Variants in SLC4A9 observed in about 807,000 individuals in gnomAD.
SLC4A9 encodes anion exchange protein 4.
SLC4A9 carries 102 observed loss-of-function variants against 103.2 expected under a neutral mutation model. The ratio of observed to expected loss-of-function variants is 0.99; its 90% confidence interval spans 0.84 to 1.17. SLC4A9 has a LOEUF of 1.17. SLC4A9 is among the 50% of genes most tolerant of loss of function. The probability of loss-of-function intolerance (pLI) is 0.00; values close to 1 mark genes in which losing one functional copy is unlikely to be tolerated. For missense variants in SLC4A9, 1,091 were observed against 1,193.7 expected, an observed-to-expected ratio of 0.91 and a Z score of 1.27; for synonymous variants, 453 against 483.6, an observed-to-expected ratio of 0.94 and a Z score of 0.83.
In SLC4A9 at chr5:140,364,685, C is replaced by T. The variant is rs576547133; in HGVS notation, c.1651+60C>T. The T allele has an allele frequency of 3.6e-5, 56 of 1,549,784 alleles. No individual in the cohort carries two copies. The East Asian group carries it at 1.3e-3, about 35-fold the overall frequency. On this transcript the variant is annotated intron_variant, in intron 11 of 21. Transcript: ENST00000506757. ...AGAAGGATGTAGGGAAGGGGAGGGGCTGCACCCTTACTATCCCCCCTGGTT... is the reference window on the plus strand; with the variant it reads ...AGAAGGATGTAGGGAAGGGGAGGGGTTGCACCCTTACTATCCCCCCTGGTT...
At chr5:140,366,366 T>G in intron 14 of SLC4A9, 102 bp downstream of exon 14, 1 of 785,900 alleles carries the variant, frequency 1.3e-6, no homozygotes, top group Non-Finnish European at 2.0e-6. Flanking sequence ...TAAGCTTCTT[T>G]CTTCACTAAT....
Position 140,361,307 on chromosome 5 carries a change from G to C in SLC4A9, c.445G>C (p.Ala149Pro), listed in dbSNP as rs1382805769. 1 of 1,571,342 alleles carries C rather than the reference G, an allele frequency of 6.4e-7. No homozygotes were observed. The highest frequency in any genetic ancestry group is 2.4e-5 in the East Asian group (1 of 42,336). Reference protein sequence around the residue: ...LSPELRGQLQALLLQRPQHYN... With the variant: ...LSPELRGQLQPLLLQRPQHYN... The stretch of plus-strand genomic sequence containing the variant: ...CCCAGAGCTGAGAGGGCAGTTGCAG[G>C]CCTTGCTGCTGCAGAGACCCCAGCA... The change falls in exon 3 of 22, where the codon GCC becomes CCC. Residue 149 changes from alanine (A) to proline (P), a missense_variant. Ala to Pro is a conservative substitution (Grantham distance 27). Coordinates refer to ENST00000506757, the MANE Select transcript of SLC4A9 (RefSeq NM_031467.3).
intron 17 of SLC4A9, among the ~76,000 whole-genome samples, chr5:140,369,753 G>C (rs1310499842): frequency 6.6e-6 from 1 of 152,150 alleles, no homozygotes; most frequent in Non-Finnish European, 1.5e-5. Context: ...TGTAATCCCA[G>C]CACTTTGGGA....
chr5:140,371,341 G>T (rs1768693216), intron 18 of SLC4A9, 110 bp from the exon 19 acceptor site: 1 of 1,460,292 alleles, frequency 6.8e-7, no homozygotes, highest in Non-Finnish European at 9.5e-7. Context: ...CAGGGACTCG[G>T]CTGCCATGCT....
In SLC4A9 at chr5:140,366,271, G is replaced by T; in HGVS notation, c.2013+7G>T. The T allele has an allele frequency of 6.3e-7, 1 of 1,575,574 alleles. No individual in the cohort carries two copies. ...GGTACCCAGAGAGTTCAAGGTGAGA[G>T]CCAGGGAAGAGGGTTGGGGGACCAG... On this transcript the variant is annotated splice_region_variant and intron_variant, in intron 14 of 21. Transcript: ENST00000506757.
chr5:140,371,905 A>G (rs986856333), intron 19 of SLC4A9, among the ~76,000 whole-genome samples: 1 of 152,242 alleles, frequency 6.6e-6, no homozygotes, highest in African/African-American at 2.4e-5. Flanking sequence ...GGTAGAGGAA[A>G]TGGTGACACT....
chr5:140,367,876 C>T lies in SLC4A9; in HGVS notation c.2332C>T (p.Arg778Cys), dbSNP rs777473845. The T allele has an allele frequency of 4.7e-5, 76 of 1,613,660 alleles. No homozygotes were observed. Among genetic ancestry groups the T allele is most frequent in the Non-Finnish European group, 5.8e-5 (68 of 1,179,812 alleles). Residue 778 changes from arginine (R) to cysteine (C), a missense_variant, in exon 16 of 22, where the codon CGC (arginine) becomes TGC (cysteine). By Grantham distance (180) the Arg-to-Cys change is radical (BLOSUM62 -3). Transcript: ENST00000506757. Reference sequence around the variant, plus strand: ...GAGCAGAGCCTGTGCCCCCGGGGAGCGCCCCAACTTCCTGGGTATCAGGTG... The same window carrying T: ...GAGCAGAGCCTGTGCCCCCGGGGAGTGCCCCAACTTCCTGGGTATCAGGTG... ...RESRACAPGE[R>C]PNFLGIREQR...
At position 140,363,375 on chromosome 5, in the gene SLC4A9, C is replaced by T; in HGVS notation, c.963-64C>T. The T allele has an allele frequency of 1.4e-6, 2 of 1,446,486 alleles. No individual in the cohort carries two copies. Among genetic ancestry groups the T allele is most frequent in the Non-Finnish European group, 1.9e-6 (2 of 1,055,780 alleles). 89.6% of individuals were successfully genotyped at this position (1,446,486 alleles called of 1,614,324 possible). On this transcript the variant is annotated intron_variant, in intron 7 of 21. Coordinates refer to ENST00000506757, the MANE Select transcript of SLC4A9 (RefSeq NM_031467.3). This position sits in a 1 kb window ranked among gnomAD's most constrained non-coding sequence, Gnocchi z 4.5. Reference sequence around the variant, plus strand: ...CCGCTAGGGGGCAGGGCGCCACGAGCTCTGGACCGAGTCGCAGACTGGTTG... The same window carrying T: ...CCGCTAGGGGGCAGGGCGCCACGAGTTCTGGACCGAGTCGCAGACTGGTTG...
rs369686825 is a variant in SLC4A9 at position 140,360,282 on chromosome 5, G to A, written c.46G>A (p.Ala16Thr). Residue 16 changes from alanine to threonine, a missense_variant, in exon 1 of 22, where the codon GCT becomes ACT. Coordinates refer to ENST00000506757, the MANE Select transcript of SLC4A9 (RefSeq NM_031467.3). ...CCAGGAAGGGTTTGAAGCCTCCAGT[G>A]CTCCTAGAAATATTCCTTCAGGGGA... ...PGQEGFEASS[A>T]PRNIPSGELD... The A allele has an allele frequency of 6.2e-6, 10 of 1,612,302 alleles. No individual in the cohort carries two copies. In the Admixed American group the frequency reaches 8.4e-5, roughly 13 times the overall value.
At position 140,372,290 on chromosome 5, in the gene SLC4A9, C is replaced by T. The variant is rs1340499154; in HGVS notation, c.2719C>T (p.Pro907Ser). 6.2e-7 allele frequency: 1 copy of T among 1,603,356 alleles called. No individual in the cohort carries two copies. The highest frequency in any genetic ancestry group is 8.5e-7 in the Non-Finnish European group (1 of 1,177,036). The change falls in exon 20 of 22, where the codon CCA (proline) becomes TCA (serine). Residue 907 changes from proline (P) to serine (S), a missense_variant. Transcript: ENST00000506757. ...VRKALERVFS[P>S]QELLWLDELM... ...AAAGGCCCTGGAGAGGGTCTTCTCA[C>T]CACAGGAACTCCTCTGGCTGGATGA...
At chr5:140,360,666 G>A (rs1461327557) in intron 1 of SLC4A9, 146 bp from the exon 2 acceptor site, 4 of 1,341,726 alleles carry the variant, frequency 3.0e-6, no homozygotes, top group African/African-American at 2.9e-5. Context: ...CCTAGATGAG[G>A]GGTGACTGCC....
At chr5:140,373,112 G>A (rs182149685) in intron 21 of SLC4A9, among the ~76,000 whole-genome samples, 2 of 152,272 alleles carry the variant, frequency 1.3e-5, no homozygotes, top group Middle Eastern at 6.8e-3. Context: ...TGGGTGTTGT[G>A]GGGGGCGGTG....
In SLC4A9 at chr5:140,367,700, G is replaced by A. The variant is rs376708836; in HGVS notation, c.2176-20G>A. Reference sequence around the variant, plus strand: ...GGCCTGGGCTAGCTTCATCCTCATTGCCCCCACCACTACCTGCAGAAGGGA... The same window carrying A: ...GGCCTGGGCTAGCTTCATCCTCATTACCCCCACCACTACCTGCAGAAGGGA... On this transcript the variant is annotated intron_variant, in intron 15 of 21. Coordinates refer to ENST00000506757, the MANE Select transcript of SLC4A9 (RefSeq NM_031467.3). 4 of 1,613,258 alleles carry A rather than the reference G, an allele frequency of 2.5e-6. No individual in the cohort carries two copies. The highest frequency in any genetic ancestry group is 2.7e-5 in the African/African-American group (2 of 74,906).
rs1340774347 is a variant in SLC4A9 at position 140,366,187 on chromosome 5, G to A, written c.1936G>A (p.Ala646Thr). The change falls in exon 14 of 22, where the codon GCC (alanine) becomes ACC (threonine). Residue 646 changes from alanine (A) to threonine (T), a missense_variant. Coordinates refer to ENST00000506757, the MANE Select transcript of SLC4A9 (RefSeq NM_031467.3). ...GCTCAGCGACTTCTCCTCAGTCCTGGCCATCCTGCTCGGCTGTGGCCTTGA... is the reference window on the plus strand; with the variant it reads ...GCTCAGCGACTTCTCCTCAGTCCTGACCATCCTGCTCGGCTGTGGCCTTGA... ...KGLSDFSSVL[A>T]ILLGCGLDAF... is the part of the protein sequence containing the mutation. 8 of 1,612,692 alleles carry A rather than the reference G, an allele frequency of 5.0e-6. No individual in the cohort carries two copies. The highest frequency in any genetic ancestry group is 5.9e-6 in the Non-Finnish European group (7 of 1,179,226).
At chr5:140,371,251 C>T (rs1259921665) in intron 18 of SLC4A9, 88 bp downstream of exon 18, 6 of 1,465,694 alleles carry the variant, frequency 4.1e-6, no homozygotes, top group Non-Finnish European at 5.6e-6. Flanking sequence ...AACCCTACTC[C>T]TTTTTTCTTT....
At chr5:140,372,903 G>A in intron 21 of SLC4A9, 60 bp downstream of exon 21, 1 of 1,039,264 alleles carries the variant, frequency 9.6e-7, no homozygotes, top group Non-Finnish European at 1.4e-6. Flanking sequence ...TTCAGACCTT[G>A]GAACTCTCCA....
Position 140,362,132 on chromosome 5 carries a change from C to G in SLC4A9, c.677C>G (p.Pro226Arg), listed in dbSNP as rs2126744338. ...GGAGCCTTTGTTCGACTGCGGAACC[C>G]TGTGGTACTGGGGTCCCTTACTGAG... ...PLGAFVRLRNPVVLGSLTEVS... is the reference protein window; with the variant it reads ...PLGAFVRLRNRVVLGSLTEVS... The change falls in exon 5 of 22, where the codon CCT becomes CGT. Residue 226 changes from proline (P) to arginine (R), a missense_variant. Coordinates refer to ENST00000506757, the MANE Select transcript of SLC4A9 (RefSeq NM_031467.3). 1 of 1,569,880 alleles carries G rather than the reference C, an allele frequency of 6.4e-7. No individual in the cohort carries two copies. The highest frequency in any genetic ancestry group is 2.2e-5 in the East Asian group (1 of 44,604).
chr5:140,365,707 C>A, intron 12 of SLC4A9, 127 bp from the exon 13 acceptor site: 1 of 1,408,136 alleles, frequency 7.1e-7, no homozygotes, highest in South Asian at 1.3e-5. Flanking sequence ...CCATTTCCTA[C>A]AGCTGGGAAC....
chr5:140,375,081 C>G lies in SLC4A9; in HGVS notation c.*300C>G, dbSNP rs535512443. 1 of 152,110 alleles carries G rather than the reference C, an allele frequency of 6.6e-6. No homozygotes were observed. Among genetic ancestry groups the G allele is most frequent in the African/African-American group, 2.4e-5 (1 of 41,418 alleles). 9.4% of individuals were successfully genotyped at this position (152,110 alleles called of 1,614,324 possible). A position where few individuals can be genotyped will look rare whatever the true frequency, so the allele number is the denominator to read the frequency against. ...AGAATCTAAGGGCCATCAGGGAACT[C>G]TTTTCATCTTGCAAAGAGAAAAAGC... On this transcript the variant is annotated 3_prime_UTR_variant, in exon 22 of 22. Transcript: ENST00000506757.
Sources: allele counts gnomAD v4.1 joint callset (sites outside exome capture counted in the v4.1 genomes callset), GRCh38; gene constraint gnomAD v4.1.1; non-coding constraint Gnocchi (gnomAD v3.1); transcripts MANE v1.5; gene names NCBI Gene and HGNC (gene_info 2026-07-23, HGNC 2026-07-21).